KCNIP1: variants seen among roughly 807,000 people sequenced by gnomAD.
KCNIP1 encodes the protein A-type potassium channel modulatory protein KCNIP1.
Under a neutral mutation model 33.0 loss-of-function variants are expected in KCNIP1, and 18 were observed. That is an observed-to-expected ratio of 0.55 (90% confidence interval 0.38 to 0.81). KCNIP1 has a LOEUF of 0.81. KCNIP1 is among the 30% of genes least tolerant of loss of function. The probability of loss-of-function intolerance (pLI) is 0.00; values close to 1 mark genes in which losing one functional copy is unlikely to be tolerated. For missense variants in KCNIP1, 238 were observed against 271.6 expected, an observed-to-expected ratio of 0.88 and a Z score of 0.87; for synonymous variants, 93 against 98.3, an observed-to-expected ratio of 0.95 and a Z score of 0.32.
chr5:170,438,258 C>T (rs1261470019), intron 1 of KCNIP1, among the ~76,000 whole-genome samples: 2 of 152,204 alleles, frequency 1.3e-5, no homozygotes, highest in Non-Finnish European at 2.9e-5. Flanking sequence ...CTGAGCTTTT[C>T]CTGTCAGCCC....
In KCNIP1 at chr5:170,703,222, G is replaced by A. The variant is rs888853510; in HGVS notation, c.62-15536G>A. Among the ~76,000 whole-genome samples the A allele has an allele frequency of 1.5e-5, 2 of 137,826 alleles. 1 individual carries two copies. The highest frequency in any genetic ancestry group is 3.0e-5 in the Non-Finnish European group (2 of 65,660). The allele number at this position is 137,826 out of a possible 152,430, so 90.4% of individuals were successfully genotyped here. On this transcript the variant is annotated intron_variant, in intron 1 of 7. Transcript: ENST00000328939. Reference sequence around the variant, plus strand: ...CACCAAACACATAAAAGTCACTTAGGAAAACATGGTAGGAGGCAGAGGAAA... The same window carrying A: ...CACCAAACACATAAAAGTCACTTAGAAAAACATGGTAGGAGGCAGAGGAAA...
intron 1 of KCNIP1, among the ~76,000 whole-genome samples, chr5:170,566,399 C>T (rs983803509): frequency 2.0e-5 from 3 of 152,138 alleles, no homozygotes; most frequent in Non-Finnish European, 2.9e-5. Context: ...GGCCAACTAT[C>T]CGTATTATTA....
chr5:170,413,973 G>A (rs1228775230), intron 1 of KCNIP1, among the ~76,000 whole-genome samples: 1 of 151,148 alleles, frequency 6.6e-6, no homozygotes, highest in Admixed American at 6.6e-5. Context: ...AGATGGGAAA[G>A]AGGTGACCTA....
At chr5:170,471,286 A>G (rs1471557081) in intron 1 of KCNIP1, among the ~76,000 whole-genome samples, 1 of 152,130 alleles carries the variant, frequency 6.6e-6, no homozygotes, top group Admixed American at 6.5e-5. Context: ...TACAAAAGCA[A>G]TCAATGCTTA....
At chr5:170,402,613 A>G (rs1453728461) in intron 1 of KCNIP1, among the ~76,000 whole-genome samples, 2 of 152,150 alleles carry the variant, frequency 1.3e-5, no homozygotes, top group Admixed American at 6.5e-5. Flanking sequence ...CATCTGATAC[A>G]CAGACACATT....
chr5:170,468,082 A>G (rs1003954368), intron 1 of KCNIP1, among the ~76,000 whole-genome samples: 1 of 152,190 alleles, frequency 6.6e-6, no homozygotes, highest in African/African-American at 2.4e-5. Flanking sequence ...TCCTTCTAAT[A>G]TAAAATGTTT....
chr5:170,534,501 A>G (rs911675079), intron 1 of KCNIP1, among the ~76,000 whole-genome samples: 4 of 124,074 alleles, frequency 3.2e-5, no homozygotes, highest in Non-Finnish European at 6.5e-5. Context: ...GGAGGAGGAG[A>G]AGGAGGAGAA....
At chr5:170,649,318 G>A (rs1463331777) in intron 1 of KCNIP1, among the ~76,000 whole-genome samples, 1 of 151,898 alleles carries the variant, frequency 6.6e-6, no homozygotes, top group East Asian at 1.9e-4. Context: ...AATAGATATG[G>A]GAACAAGATT....
chr5:170,431,315 G>A (rs1755735588), intron 1 of KCNIP1, among the ~76,000 whole-genome samples: 1 of 152,224 alleles, frequency 6.6e-6, no homozygotes, highest in African/African-American at 2.4e-5. Context: ...CTCCATGGCT[G>A]ATGGTGGAAG....
chr5:170,656,992 C>CTTTTTTTT (rs11397076), intron 1 of KCNIP1, among the ~76,000 whole-genome samples: 1 of 116,440 alleles, frequency 8.6e-6, no homozygotes, highest in African/African-American at 3.6e-5. Flanking sequence ...TTTTTTCTTT[C>CTTTTTTTT]TTTCTTTTTT....
At chr5:170,392,039 G>T (rs1045991413) in intron 1 of KCNIP1, among the ~76,000 whole-genome samples, 1 of 152,160 alleles carries the variant, frequency 6.6e-6, no homozygotes, top group Non-Finnish European at 1.5e-5. Flanking sequence ...GACACAGCAC[G>T]ATGTTCAAGG....
At chr5:170,557,291 C>T (rs189180795) in intron 1 of KCNIP1, among the ~76,000 whole-genome samples, 16 of 152,314 alleles carry the variant, frequency 1.1e-4, no homozygotes, top group Admixed American at 7.2e-4. Context: ...AGTATCCAGG[C>T]ATGGTGGCTA....
chr5:170,494,416 C>A (rs1581241424), intron 1 of KCNIP1, among the ~76,000 whole-genome samples: 2 of 152,082 alleles, frequency 1.3e-5, no homozygotes, highest in African/African-American at 4.8e-5. Flanking sequence ...GTTGTGGCAG[C>A]CTGGAAAGGG....
chr5:170,570,195 A>G lies in KCNIP1; in HGVS notation c.61+65562A>G, dbSNP rs374069169. ...AAATTAAGAAAAATCACACTCCCTT[A>G]TAAAATCCTTAGGGAAATTAAAGAT... On this transcript the variant is annotated intron_variant, in intron 1 of 7. Transcript: ENST00000328939. Among the ~76,000 whole-genome samples the G allele has an allele frequency of 2.7e-4, 41 of 152,334 alleles. No homozygotes were observed. The East Asian group carries it at 6.0e-3, about 22-fold the overall frequency.
intron 1 of KCNIP1, among the ~76,000 whole-genome samples, chr5:170,706,659 G>A (rs1763264400): frequency 6.6e-6 from 1 of 152,216 alleles, no homozygotes; most frequent in South Asian, 2.1e-4. Context: ...CCATCAGTGA[G>A]AAAATTCTGT....
chr5:170,723,903 T>G (rs751760912), intron 5 of KCNIP1, among the ~76,000 whole-genome samples: 12 of 152,140 alleles, frequency 7.9e-5, no homozygotes, highest in Non-Finnish European at 1.6e-4. Context: ...AGATAGAGCT[T>G]CATGTGTTTC....
At chr5:170,510,989 T>A (rs1754913445) in intron 1 of KCNIP1, among the ~76,000 whole-genome samples, 1 of 152,034 alleles carries the variant, frequency 6.6e-6, no homozygotes, top group African/African-American at 2.4e-5. Context: ...GGTGGACAGA[T>A]CACGAGGTCA....
intron 1 of KCNIP1, among the ~76,000 whole-genome samples, chr5:170,483,618 C>T (rs942261515): frequency 6.6e-6 from 1 of 152,150 alleles, no homozygotes; most frequent in Non-Finnish European, 1.5e-5. Context: ...GGTTAAATCC[C>T]CCACTCATCT....
chr5:170,623,826 C>T (rs527975053), intron 1 of KCNIP1, among the ~76,000 whole-genome samples: 1 of 152,314 alleles, frequency 6.6e-6, no homozygotes, highest in African/African-American at 2.4e-5. Context: ...CTCATTTGGA[C>T]ACTGGGAGGT....
Sources: gnomAD v4.1 joint callset for allele counts (sites outside exome capture counted in the v4.1 genomes callset) on GRCh38, gnomAD v4.1.1 for gene constraint, MANE v1.5 for transcripts, NCBI Gene and HGNC (gene_info 2026-07-23, HGNC 2026-07-21) for gene names.